Variants in CACNA2D3 observed in about 807,000 individuals in gnomAD.
The protein encoded by CACNA2D3 is calcium voltage-gated channel auxiliary subunit alpha2delta 3, also known as voltage-dependent calcium channel subunit alpha-2/delta-3.
CACNA2D3 carries 60 observed loss-of-function variants against 160.6 expected under a neutral mutation model. The observed-to-expected ratio is 0.37, with a 90% CI of 0.30 to 0.46. The LOEUF (loss-of-function observed/expected upper bound fraction) is 0.46, where lower values mean the gene tolerates loss of function less well. CACNA2D3 is among the 20% of genes least tolerant of loss of function. The probability of loss-of-function intolerance (pLI) is 1.00; values close to 1 mark genes in which losing one functional copy is unlikely to be tolerated. For synonymous variants in CACNA2D3, 558 were observed against 492.9 expected (o/e 1.13, Z -1.75); for missense variants, 1,205 against 1,365.0 (o/e 0.88, Z 1.85).
chr3:54,521,772 C>T (rs1357780373), intron 5 of CACNA2D3, among the ~76,000 whole-genome samples: 1 of 152,134 alleles, frequency 6.6e-6, no homozygotes, highest in African/African-American at 2.4e-5. Context: ...CATTCTTTTG[C>T]ATGTGGCTCT....
intron 5 of CACNA2D3, among the ~76,000 whole-genome samples, chr3:54,504,850 C>T (rs77422642): frequency 0.02 from 3,106 of 152,244 alleles, 86 homozygotes; most frequent in East Asian, 0.11. Flanking sequence ...ATGATGCTGC[C>T]TCCGTCAGAG....
At chr3:54,292,445 T>C (rs938489510) in intron 2 of CACNA2D3, among the ~76,000 whole-genome samples, 39 of 152,114 alleles carry the variant, frequency 2.6e-4, no homozygotes, top group Non-Finnish European at 4.0e-4. Flanking sequence ...AAGACTTGTT[T>C]CTAGAATATA....
chr3:54,772,427 G>T (rs1205073483), intron 13 of CACNA2D3, among the ~76,000 whole-genome samples: 1 of 151,996 alleles, frequency 6.6e-6, no homozygotes, highest in African/African-American at 2.4e-5. Flanking sequence ...TAAAAGTTTA[G>T]CTGTGAACAG....
intron 2 of CACNA2D3, among the ~76,000 whole-genome samples, chr3:54,241,135 C>T (rs573349134): frequency 7.2e-5 from 11 of 152,122 alleles, no homozygotes; most frequent in East Asian, 3.8e-4. Context: ...AGCCAAGAGC[C>T]GGCCCTCTTG....
intron 11 of CACNA2D3, among the ~76,000 whole-genome samples, chr3:54,736,945 C>T (rs1575449245): frequency 1.3e-5 from 2 of 152,124 alleles, no homozygotes; most frequent in African/African-American, 2.4e-5. Flanking sequence ...ATGTATGGTA[C>T]CAGGTTTGGG....
intron 2 of CACNA2D3, among the ~76,000 whole-genome samples, chr3:54,319,526 C>T (rs1399514086): frequency 1.3e-5 from 2 of 152,156 alleles, no homozygotes; most frequent in Non-Finnish European, 2.9e-5. Context: ...GTGATGGATT[C>T]ATGTTGACAT....
chr3:54,418,601 T>C (rs1016254579), intron 4 of CACNA2D3, among the ~76,000 whole-genome samples: 1 of 152,240 alleles, frequency 6.6e-6, no homozygotes, highest in Non-Finnish European at 1.5e-5. Flanking sequence ...GAGGTAGATA[T>C]TCACCTTTGA....
In CACNA2D3 at chr3:54,158,044, C is replaced by T. The variant is rs569029881; in HGVS notation, c.204+34450C>T. Among the ~76,000 whole-genome samples, 36 of 152,332 alleles carry T rather than the reference C, an allele frequency of 2.4e-4. No individual in the cohort carries two copies. In the South Asian group the frequency reaches 2.7e-3, roughly 11 times the overall value. On this transcript the variant is annotated intron_variant, in intron 2 of 37. Coordinates refer to ENST00000474759, the MANE Select transcript of CACNA2D3 (RefSeq NM_018398.3). Reference sequence around the variant, plus strand: ...CATTGCAGCTTCCTGGTGCTGGAAGCACTGAAGATTGCCCTGTCTCCTGTG... The same window carrying T: ...CATTGCAGCTTCCTGGTGCTGGAAGTACTGAAGATTGCCCTGTCTCCTGTG...
At chr3:54,545,208 T>C (rs1702042493) in intron 5 of CACNA2D3, among the ~76,000 whole-genome samples, 1 of 152,234 alleles carries the variant, frequency 6.6e-6, no homozygotes, top group South Asian at 2.1e-4. Context: ...TTGAAAATAA[T>C]AAAGTTTGAA....
At chr3:54,296,339 G>T (rs1559913168) in intron 2 of CACNA2D3, among the ~76,000 whole-genome samples, 1 of 152,112 alleles carries the variant, frequency 6.6e-6, no homozygotes, top group Non-Finnish European at 1.5e-5. Flanking sequence ...ACCCTGATGT[G>T]TTGGTTATGT....
intron 3 of CACNA2D3, among the ~76,000 whole-genome samples, chr3:54,339,862 A>T (rs1345541853): frequency 1.3e-5 from 2 of 152,210 alleles, no homozygotes; most frequent in African/African-American, 2.4e-5. Context: ...GTGGAAAGTC[A>T]TAGGAGGTTT....
intron 2 of CACNA2D3, among the ~76,000 whole-genome samples, chr3:54,179,604 T>C (rs1469295452): frequency 1.3e-5 from 2 of 152,220 alleles, no homozygotes; most frequent in Non-Finnish European, 2.9e-5. Context: ...TTAATTCATA[T>C]TTATATGTTA....
intron 4 of CACNA2D3, among the ~76,000 whole-genome samples, chr3:54,462,116 G>A (rs576910889): frequency 3.8e-4 from 58 of 152,198 alleles, no homozygotes; most frequent in Non-Finnish European, 6.2e-4. Flanking sequence ...TTGAGTTCTA[G>A]TTTGATTGCA....
chr3:54,224,473 G>T (rs137964506), intron 2 of CACNA2D3, among the ~76,000 whole-genome samples: 1 of 152,250 alleles, frequency 6.6e-6, no homozygotes, highest in Non-Finnish European at 1.5e-5. Flanking sequence ...CCACAGACGG[G>T]TGAGTAACGC....
chr3:54,506,936 C>G (rs181389787), intron 5 of CACNA2D3, among the ~76,000 whole-genome samples: 196 of 152,280 alleles, frequency 1.3e-3, no homozygotes, highest in Middle Eastern at 3.4e-3. Context: ...TAAGGACTTT[C>G]TCAACTGAAG....
intron 4 of CACNA2D3, among the ~76,000 whole-genome samples, chr3:54,469,337 C>G (rs1331436180): frequency 6.6e-6 from 1 of 152,130 alleles, no homozygotes; most frequent in African/African-American, 2.4e-5. Flanking sequence ...GCAGAGGGAC[C>G]TGACTGTTAG....
At chr3:54,230,292 C>T (rs1701746722) in intron 2 of CACNA2D3, among the ~76,000 whole-genome samples, 1 of 152,052 alleles carries the variant, frequency 6.6e-6, no homozygotes, top group Non-Finnish European at 1.5e-5. Context: ...AGAGTATTTC[C>T]TAGCTTCTTA....
rs542164687 is a variant in CACNA2D3 at position 54,128,197 on chromosome 3, A to G, written c.204+4603A>G. 2.0e-5 allele frequency among the ~76,000 whole-genome samples: 3 copies of G among 152,302 alleles called. No individual in the cohort carries two copies. In the South Asian group the frequency reaches 6.2e-4, roughly 32 times the overall value. ...TAATTCTAACACTACTGCAATTTTT[A>G]GGCAAACACATGAATACCAAACCAC... On this transcript the variant is annotated intron_variant, in intron 2 of 37. Coordinates refer to ENST00000474759, the MANE Select transcript of CACNA2D3 (RefSeq NM_018398.3).
intron 18 of CACNA2D3, chr3:54,875,499 C>T (rs1267278985): frequency 6.6e-6 from 1 of 152,200 alleles, no homozygotes; most frequent in Admixed American, 6.5e-5. Flanking sequence ...GACAATGAGC[C>T]ACCATTAGGA....
Sources: gnomAD v4.1 joint callset for allele counts (sites outside exome capture counted in the v4.1 genomes callset) on GRCh38, gnomAD v4.1.1 for gene constraint, MANE v1.5 for transcripts, NCBI Gene and HGNC (gene_info 2026-07-23, HGNC 2026-07-21) for gene names.